The following SLIT2 variants were observed in gnomAD, a reference collection of about 807,000 sequenced individuals.
SLIT2 encodes slit guidance ligand 2, also known as slit homolog 2 protein.
In SLIT2, 41 loss-of-function variants were observed where a neutral mutation model predicts 185.7. The observed-to-expected ratio is 0.22, with a 90% CI of 0.17 to 0.29. SLIT2 has a LOEUF of 0.29. Among genes scored for constraint, SLIT2 ranks in the 10% least tolerant of loss-of-function variants. SLIT2 has a pLI of 1.00. For missense variants in SLIT2, 1,571 were observed against 1,909.0 expected (o/e 0.82, Z 3.30); for synonymous variants, 693 against 680.2 (o/e 1.02, Z -0.29).
chr4:20,367,858 G>A (rs932258050), intron 4 of SLIT2, among the ~76,000 whole-genome samples: 1 of 152,106 alleles, frequency 6.6e-6, no homozygotes, highest in Non-Finnish European at 1.5e-5. Flanking sequence ...AAAGCTCCCT[G>A]AGGTGGGATC....
At chr4:20,442,385 G>A (rs1238420135) in intron 4 of SLIT2, among the ~76,000 whole-genome samples, 1 of 152,150 alleles carries the variant, frequency 6.6e-6, no homozygotes, top group Non-Finnish European at 1.5e-5. Flanking sequence ...TTAGCTAGGT[G>A]TGGTGGCGGG....
chr4:20,296,092 GACTA>G (rs2109094048), intron 4 of SLIT2, among the ~76,000 whole-genome samples: 1 of 152,328 alleles, frequency 6.6e-6, no homozygotes, highest in African/African-American at 2.4e-5. Flanking sequence ...ATTCTAGAAA[GACTA>G]ACAAGCTAGA....
At chr4:20,256,046 G>C (rs964142340) in intron 1 of SLIT2, among the ~76,000 whole-genome samples, 1 of 152,142 alleles carries the variant, frequency 6.6e-6, no homozygotes, top group African/African-American at 2.4e-5. Context: ...TCTTGCCCCT[G>C]TTAGTAGTTT....
At chr4:20,331,229 A>T (rs2109199960) in intron 4 of SLIT2, among the ~76,000 whole-genome samples, 1 of 152,156 alleles carries the variant, frequency 6.6e-6, no homozygotes, top group East Asian at 1.9e-4. Flanking sequence ...CAGAGAAATA[A>T]ATTATGATGG....
chr4:20,404,200 A>ACTAGTTT (rs1726585505), intron 4 of SLIT2, among the ~76,000 whole-genome samples: 1 of 151,992 alleles, frequency 6.6e-6, no homozygotes, highest in Non-Finnish European at 1.5e-5. Flanking sequence ...AGAAGCTATT[A>ACTAGTTT]CTAGTTTCTA....
At chr4:20,529,758 TAAG>T (rs779375027) in intron 16 of SLIT2, among the ~76,000 whole-genome samples, 3 of 152,190 alleles carry the variant, frequency 2.0e-5, no homozygotes, top group South Asian at 4.1e-4. Context: ...ACTTTATTTA[TAAG>T]AAGAGGACCT....
intron 4 of SLIT2, among the ~76,000 whole-genome samples, chr4:20,363,188 A>G (rs532458473): frequency 2.0e-5 from 3 of 152,158 alleles, no homozygotes; most frequent in Non-Finnish European, 2.9e-5. Context: ...TGACATTAAA[A>G]TTAGAGAATA....
intron 11 of SLIT2, among the ~76,000 whole-genome samples, chr4:20,517,188 T>C (rs925229336): frequency 1.3e-5 from 2 of 152,202 alleles, no homozygotes; most frequent in African/African-American, 2.4e-5. Flanking sequence ...TCAAAATTAC[T>C]CTTTTGGATT....
intron 26 of SLIT2, chr4:20,554,262 C>G (rs1257236154): frequency 4.0e-6 from 2 of 505,208 alleles, no homozygotes; most frequent in Non-Finnish European, 7.6e-6. Flanking sequence ...TCTAACAAGT[C>G]AAATGTTTTG....
At chr4:20,402,488 T>C (rs888767930) in intron 4 of SLIT2, among the ~76,000 whole-genome samples, 1 of 151,942 alleles carries the variant, frequency 6.6e-6, no homozygotes, top group Non-Finnish European at 1.5e-5. Context: ...TGTAGTACTT[T>C]GTAAGTTGTC....
intron 7 of SLIT2, among the ~76,000 whole-genome samples, chr4:20,488,459 C>A (rs1252234500): frequency 6.6e-6 from 1 of 152,088 alleles, no homozygotes; most frequent in Non-Finnish European, 1.5e-5. Flanking sequence ...CTAACTTGCC[C>A]CTCGCCCAGT....
At chr4:20,360,621 G>A (rs930361759) in intron 4 of SLIT2, among the ~76,000 whole-genome samples, 1 of 96,086 alleles carries the variant, frequency 1.0e-5, no homozygotes, top group Non-Finnish European at 2.8e-5. Context: ...AAATAAAATG[G>A]TATACGTTAA....
intron 18 of SLIT2, among the ~76,000 whole-genome samples, chr4:20,536,231 G>A (rs1722268327): frequency 6.6e-6 from 1 of 152,100 alleles, no homozygotes; most frequent in Admixed American, 6.5e-5. Context: ...GAGGGCATAA[G>A]ACATTACTGT....
chr4:20,511,649 G>A (rs1270066225), intron 11 of SLIT2, among the ~76,000 whole-genome samples: 1 of 141,134 alleles, frequency 7.1e-6, no homozygotes. Context: ...AGGATGGTCT[G>A]GATCTCCTGA....
At chr4:20,449,017 T>C (rs911814769) in intron 4 of SLIT2, among the ~76,000 whole-genome samples, 3 of 152,184 alleles carry the variant, frequency 2.0e-5, no homozygotes, top group Non-Finnish European at 4.4e-5. Flanking sequence ...GGGACTTACA[T>C]TTTTCTCTAT....
intron 4 of SLIT2, among the ~76,000 whole-genome samples, chr4:20,361,512 G>A (rs1722743733): frequency 6.6e-6 from 1 of 152,210 alleles, no homozygotes; most frequent in East Asian, 1.9e-4. Context: ...CTTATAAAAT[G>A]TTAGTGATGA....
In SLIT2 at chr4:20,597,691, G is replaced by C. The variant is rs188019748; in HGVS notation, c.3562-574G>C. ...GGGACAGGGGATCCTTTTGAAGTCA[G>C]GAAGAAGAGAATCCTGGAAGGCATG... On this transcript the variant is annotated intron_variant, in intron 32 of 36. Coordinates refer to ENST00000504154, the MANE Select transcript of SLIT2 (RefSeq NM_004787.4). Among the ~76,000 whole-genome samples, 79 of 152,270 alleles carry C rather than the reference G, an allele frequency of 5.2e-4. 1 individual carries two copies. The highest frequency in any genetic ancestry group is 1.7e-3 in the African/African-American group (72 of 41,550).
intron 4 of SLIT2, among the ~76,000 whole-genome samples, chr4:20,459,197 C>T (rs562286805): frequency 6.7e-6 from 1 of 150,098 alleles, no homozygotes; most frequent in South Asian, 2.1e-4. Flanking sequence ...CTCATTAATA[C>T]ATCCAACAAA....
chr4:20,359,536 T>A (rs547988078), intron 4 of SLIT2, among the ~76,000 whole-genome samples: 2 of 152,158 alleles, frequency 1.3e-5, no homozygotes, highest in South Asian at 4.2e-4. Context: ...GGGAGCTAGA[T>A]TAGAGTTAGC....
Sources: allele counts gnomAD v4.1 joint callset (sites outside exome capture counted in the v4.1 genomes callset), GRCh38; gene constraint gnomAD v4.1.1; transcripts MANE v1.5; gene names NCBI Gene and HGNC (gene_info 2026-07-23, HGNC 2026-07-21).